Variants in GRM1 observed in about 807,000 individuals in gnomAD.
GRM1 encodes metabotropic glutamate receptor 1.
In GRM1, 33 loss-of-function variants were observed where a neutral mutation model predicts 90.9. That is an observed-to-expected ratio of 0.36 (90% confidence interval 0.28 to 0.49). The LOEUF is 0.49. Among genes scored for constraint, GRM1 ranks in the 20% least tolerant of loss-of-function variants. The pLI, the probability that GRM1 is intolerant of heterozygous loss-of-function variation, is 0.99. For missense variants in GRM1, 1,190 were observed against 1,534.3 expected (o/e 0.78, Z 3.75); for synonymous variants, 700 against 613.2 (o/e 1.14, Z -2.09).
intron 1 of GRM1, among the ~76,000 whole-genome samples, chr6:146,100,501 A>C (rs1029922943): frequency 3.9e-5 from 6 of 152,196 alleles, no homozygotes; most frequent in Non-Finnish European, 7.3e-5. Flanking sequence ...AAAGATTAAA[A>C]AGTGGCCTTC....
chr6:146,331,600 G>T (rs1001593487), intron 3 of GRM1, among the ~76,000 whole-genome samples: 2 of 152,042 alleles, frequency 1.3e-5, no homozygotes, highest in Non-Finnish European at 2.9e-5. Flanking sequence ...ACTCCTGTTA[G>T]GAAACAAACA....
At position 146,030,443 on chromosome 6, in the gene GRM1, AG is replaced by A. The variant is rs561279097; in HGVS notation, c.700+229del. Among the ~76,000 whole-genome samples the A allele has an allele frequency of 2.5e-3, 388 of 152,348 alleles. 2 individuals carry two copies. The Middle Eastern group carries it at 0.031, about 12-fold the overall frequency. ...ATATCTGAGGATAATAGGAGCTGAA[AG>A]GGTATCAAACTTTCCATGCAAAGTG... On this transcript the variant is annotated intron_variant, in intron 1 of 7. Transcript: ENST00000282753.
intron 1 of GRM1, among the ~76,000 whole-genome samples, chr6:146,056,015 A>G (rs1175520963): frequency 2.0e-5 from 3 of 152,146 alleles, no homozygotes; most frequent in Non-Finnish European, 4.4e-5. Flanking sequence ...TAACATATTT[A>G]CTGTTTACAT....
intron 1 of GRM1, among the ~76,000 whole-genome samples, chr6:146,092,308 G>A (rs1776740858): frequency 6.6e-6 from 1 of 151,974 alleles, no homozygotes; most frequent in African/African-American, 2.4e-5. Context: ...TTTGCCTACT[G>A]ACACTCCTAC....
In GRM1 at chr6:146,368,260, T is replaced by TGG. The variant is rs200400693; in HGVS notation, c.1602+10576_1602+10577dup. ...TTTATCATTTTCTACAGTTTTTTTT[T>TGG]GGGGGGGGGGGTAGAATCTTTAGAT... On this transcript the variant is annotated intron_variant, in intron 5 of 7. Transcript: ENST00000282753. Among the ~76,000 whole-genome samples the TGG allele has an allele frequency of 5.3e-3, 612 of 115,856 alleles. 8 individuals carry two copies. The highest frequency in any genetic ancestry group is 0.016 in the African/African-American group (498 of 30,914). The allele number at this position is 115,856 out of a possible 152,430, so 76.0% of individuals were successfully genotyped here.
At chr6:146,374,647 T>G (rs966777790) in intron 5 of GRM1, among the ~76,000 whole-genome samples, 1 of 152,134 alleles carries the variant, frequency 6.6e-6, no homozygotes, top group Non-Finnish European at 1.5e-5. Flanking sequence ...TTTTAAAATT[T>G]ATTGGCATAC....
intron 1 of GRM1, among the ~76,000 whole-genome samples, chr6:146,081,704 C>T (rs1054357264): frequency 6.6e-5 from 10 of 152,034 alleles, no homozygotes; most frequent in South Asian, 4.1e-4. Flanking sequence ...TTTAATTCAT[C>T]GATGAATTGT....
intron 2 of GRM1, among the ~76,000 whole-genome samples, chr6:146,295,937 A>G (rs1783162337): frequency 1.3e-5 from 2 of 152,032 alleles, no homozygotes; most frequent in African/African-American, 4.8e-5. Flanking sequence ...TTCATGTGTT[A>G]TAATTTAGCT....
chr6:146,123,349 G>A (rs1776071901), intron 1 of GRM1, among the ~76,000 whole-genome samples: 1 of 152,182 alleles, frequency 6.6e-6, no homozygotes, highest in Admixed American at 6.5e-5. Context: ...TCTAATTTTA[G>A]AGCAGCTTTG....
intron 2 of GRM1, among the ~76,000 whole-genome samples, chr6:146,168,363 T>C (rs1276457188): frequency 6.6e-6 from 1 of 152,032 alleles, no homozygotes; most frequent in Non-Finnish European, 1.5e-5. Context: ...AAGAAGTTTA[T>C]GATAGTAAAT....
At chr6:146,297,689 CGTTT>C in intron 2 of GRM1, among the ~76,000 whole-genome samples, 1 of 152,158 alleles carries the variant, frequency 6.6e-6, no homozygotes, top group African/African-American at 2.4e-5. Flanking sequence ...ATTGGATTCA[CGTTT>C]GAAAAGTCAC....
intron 1 of GRM1, among the ~76,000 whole-genome samples, chr6:146,130,251 CCCTTCCTT>C (rs550427684): frequency 1.4e-5 from 2 of 144,692 alleles, no homozygotes; most frequent in Non-Finnish European, 3.0e-5. Flanking sequence ...CTCCCTCCCT[CCCTTCCTT>C]CCTTCCTTCT....
intron 1 of GRM1, among the ~76,000 whole-genome samples, chr6:146,109,792 C>T (rs949551136): frequency 1.3e-5 from 2 of 152,204 alleles, no homozygotes; most frequent in Non-Finnish European, 2.9e-5. Context: ...TGCCCAAGAC[C>T]ATGGGAACCC....
intron 1 of GRM1, among the ~76,000 whole-genome samples, chr6:146,136,134 G>GTGTATATA (rs1259904653): frequency 6.6e-6 from 1 of 152,150 alleles, no homozygotes; most frequent in Non-Finnish European, 1.5e-5. Flanking sequence ...TGGCTGAACA[G>GTGTATATA]TACTTCATTG....
chr6:146,077,217 A>G (rs1425887313), intron 1 of GRM1, among the ~76,000 whole-genome samples: 1 of 152,236 alleles, frequency 6.6e-6, no homozygotes, highest in Admixed American at 6.5e-5. Flanking sequence ...CTTGAAGACC[A>G]CTGTGAATTC....
intron 3 of GRM1, among the ~76,000 whole-genome samples, chr6:146,350,143 G>C (rs1785348228): frequency 2.0e-5 from 3 of 152,208 alleles, no homozygotes; most frequent in African/African-American, 7.2e-5. Context: ...TCTCAGTGCT[G>C]ATGAATGAAG....
intron 1 of GRM1, among the ~76,000 whole-genome samples, chr6:146,145,338 T>C (rs544723600): frequency 6.6e-6 from 1 of 152,246 alleles, no homozygotes; most frequent in Admixed American, 6.5e-5. Flanking sequence ...GTATTTCAGA[T>C]ATCTTTTAGG....
At chr6:146,252,003 G>T (rs534973786) in intron 2 of GRM1, among the ~76,000 whole-genome samples, 1 of 152,068 alleles carries the variant, frequency 6.6e-6, no homozygotes, top group Admixed American at 6.5e-5. Flanking sequence ...CACCTTCATA[G>T]AATTGTAACC....
intron 3 of GRM1, among the ~76,000 whole-genome samples, chr6:146,346,207 G>C (rs1049773330): frequency 1.3e-5 from 2 of 152,186 alleles, no homozygotes; most frequent in African/African-American, 4.8e-5. Flanking sequence ...AATTTGCAAA[G>C]AGCCTGCTGT....
Sources: gnomAD v4.1 joint callset for allele counts (sites outside exome capture counted in the v4.1 genomes callset) on GRCh38, gnomAD v4.1.1 for gene constraint, MANE v1.5 for transcripts, NCBI Gene and HGNC (gene_info 2026-07-23, HGNC 2026-07-21) for gene names.